GTF2IRD1: variants seen among roughly 807,000 people sequenced by gnomAD.
The protein encoded by GTF2IRD1 is general transcription factor II-I repeat domain-containing protein 1.
In GTF2IRD1, 26 loss-of-function variants were observed where a neutral mutation model predicts 113.2. The ratio of observed to expected loss-of-function variants is 0.23; its 90% confidence interval spans 0.17 to 0.32. The LOEUF (loss-of-function observed/expected upper bound fraction) is 0.32, where lower values mean the gene tolerates loss of function less well. Ranked by LOEUF, GTF2IRD1 falls within the 10% of genes least tolerant of loss-of-function variation. GTF2IRD1 has a pLI of 1.00. For synonymous variants in GTF2IRD1, 484 were observed against 529.1 expected (o/e 0.91, Z 1.17); for missense variants, 864 against 1,280.8 (o/e 0.67, Z 4.97).
chr7:74,513,695 G>A (rs1446531868), intron 3 of GTF2IRD1, among the ~76,000 whole-genome samples: 3 of 152,140 alleles, frequency 2.0e-5, no homozygotes, highest in African/African-American at 7.2e-5. Context: ...GAGGGGGCAG[G>A]CACTGTCATG....
intron 1 of GTF2IRD1, among the ~76,000 whole-genome samples, chr7:74,473,714 C>T (rs1794236594): frequency 1.3e-5 from 2 of 152,062 alleles, no homozygotes; most frequent in African/African-American, 4.8e-5. Context: ...GGGTGGTGAG[C>T]CTGCCCACTT....
chr7:74,589,724 A>G (rs183854542), intron 22 of GTF2IRD1, 127 bp from the exon 23 acceptor site: 100 of 593,634 alleles, frequency 1.7e-4, no homozygotes, highest in Non-Finnish European at 2.7e-4. Context: ...AAACAGCTAT[A>G]TAGGAGTGGG....
intron 14 of GTF2IRD1, among the ~76,000 whole-genome samples, chr7:74,540,699 A>C (rs782753166): frequency 4.0e-5 from 6 of 151,600 alleles, no homozygotes; most frequent in Non-Finnish European, 5.9e-5. Flanking sequence ...CTGTAATCCC[A>C]GCACTTTGGG....
At chr7:74,528,943 G>GGA (rs1797792585) in intron 8 of GTF2IRD1, among the ~76,000 whole-genome samples, 1 of 133,848 alleles carries the variant, frequency 7.5e-6, no homozygotes, top group Admixed American at 7.4e-5. Flanking sequence ...GGGTGGATGG[G>GGA]TGGATGGATG....
At chr7:74,519,767 C>A in intron 6 of GTF2IRD1, 48 bp downstream of exon 6, 1 of 1,375,366 alleles carries the variant, frequency 7.3e-7, no homozygotes, top group Non-Finnish European at 1.0e-6. Flanking sequence ...GGACAGAGGT[C>A]ACTCATGCAG....
chr7:74,580,290 G>A (rs1300044883), intron 22 of GTF2IRD1, among the ~76,000 whole-genome samples: 2 of 152,136 alleles, frequency 1.3e-5, no homozygotes, highest in Non-Finnish European at 2.9e-5. Flanking sequence ...GGGGAGAGAA[G>A]GACCATTATC....
intron 14 of GTF2IRD1, among the ~76,000 whole-genome samples, chr7:74,543,890 A>AC (rs1750061732): frequency 6.6e-6 from 1 of 151,336 alleles, no homozygotes; most frequent in Non-Finnish European, 1.5e-5. Flanking sequence ...AAAAAAAAAA[A>AC]AAAAAACAAT....
At chr7:74,583,533 C>T (rs1801547572) in intron 22 of GTF2IRD1, among the ~76,000 whole-genome samples, 1 of 151,848 alleles carries the variant, frequency 6.6e-6, no homozygotes, top group South Asian at 2.1e-4. Flanking sequence ...CCCCACTCCA[C>T]CCCTCCCACA....
At chr7:74,595,680 G>A (rs1343924660) in intron 25 of GTF2IRD1, among the ~76,000 whole-genome samples, 1 of 152,200 alleles carries the variant, frequency 6.6e-6, no homozygotes, top group Non-Finnish European at 1.5e-5. Context: ...ACAGAGCCAG[G>A]TATCCCCAAG....
At chr7:74,547,515 A>G (rs1162939748) in intron 17 of GTF2IRD1, among the ~76,000 whole-genome samples, 1 of 138,698 alleles carries the variant, frequency 7.2e-6, no homozygotes, top group Non-Finnish European at 1.5e-5. Flanking sequence ...AACTTGGCTC[A>G]CTGCAACCTC....
At chr7:74,558,405 G>A (rs1240397519) in intron 20 of GTF2IRD1, among the ~76,000 whole-genome samples, 1 of 111,896 alleles carries the variant, frequency 8.9e-6, no homozygotes, top group Admixed American at 1.4e-4. Flanking sequence ...TGTCACCCAT[G>A]CTGGAGTACA....
intron 14 of GTF2IRD1, among the ~76,000 whole-genome samples, chr7:74,540,813 C>T (rs1353259234): frequency 2.0e-5 from 3 of 151,800 alleles, no homozygotes; most frequent in Non-Finnish European, 4.4e-5. Flanking sequence ...CTCACTCTGT[C>T]ACCCAGACTG....
At chr7:74,525,550 G>A (rs1191494874) in intron 8 of GTF2IRD1, among the ~76,000 whole-genome samples, 5 of 152,104 alleles carry the variant, frequency 3.3e-5, no homozygotes, top group East Asian at 1.9e-4. Flanking sequence ...TCGAGAGTTC[G>A]AGACCAGCCT....
At chr7:74,586,642 A>T (rs1439106535) in intron 22 of GTF2IRD1, among the ~76,000 whole-genome samples, 4 of 152,180 alleles carry the variant, frequency 2.6e-5, no homozygotes, top group Non-Finnish European at 5.9e-5. Flanking sequence ...CAGGCCAAGC[A>T]GGTGCCCAGC....
rs1797064084 is a variant in GTF2IRD1 at position 74,518,201 on chromosome 7, G to A, written c.484G>A (p.Gly162Arg). 4.3e-6 allele frequency: 7 copies of A among 1,610,940 alleles called. No homozygotes were observed. Among genetic ancestry groups the A allele is most frequent in the African/African-American group, 1.3e-5 (1 of 74,912 alleles). ...CTATGAGAGGCTGCTCAGGGAGCCA[G>A]GGCTGCTGGCCGTGCAGGGGCTGCC... ...LPYERLLREP[G>R]LLAVQGLPEG... The change falls in exon 5 of 27, where the codon GGG becomes AGG. Residue 162 changes from glycine to arginine, a missense_variant. Coordinates refer to ENST00000424337, the MANE Select transcript of GTF2IRD1 (RefSeq NM_005685.4).
intron 16 of GTF2IRD1, 31 bp from the exon 17 acceptor site, chr7:74,547,072 G>T: frequency 6.3e-7 from 1 of 1,595,408 alleles, no homozygotes; most frequent in South Asian, 1.1e-5. Flanking sequence ...CTGTGGCACC[G>T]GGTGGCCCTA....
chr7:74,490,061 G>A (rs897323026), intron 1 of GTF2IRD1, among the ~76,000 whole-genome samples: 30 of 152,110 alleles, frequency 2.0e-4, no homozygotes, highest in African/African-American at 6.7e-4. Flanking sequence ...TTGACCTCCC[G>A]TGTCAAGCTA....
intron 22 of GTF2IRD1, among the ~76,000 whole-genome samples, chr7:74,579,091 G>A (rs1801256047): frequency 6.6e-6 from 1 of 152,096 alleles, no homozygotes; most frequent in Non-Finnish European, 1.5e-5. Context: ...GGAGGCTGAG[G>A]CGGAAGAATT....
intron 19 of GTF2IRD1, 51 bp from the exon 20 acceptor site, chr7:74,557,588 A>C: frequency 8.1e-7 from 1 of 1,234,388 alleles, no homozygotes; most frequent in Non-Finnish European, 1.2e-6. Context: ...AAAGTCACCA[A>C]GTGCTTTTTC....
Sources: allele counts gnomAD v4.1 joint callset (sites outside exome capture counted in the v4.1 genomes callset), GRCh38; gene constraint gnomAD v4.1.1; transcripts MANE v1.5; gene names NCBI Gene and HGNC (gene_info 2026-07-23, HGNC 2026-07-21).